SHISA6: variants seen among roughly 807,000 people sequenced by gnomAD.
The protein encoded by SHISA6 is shisa family member 6.
SHISA6 carries 22 observed loss-of-function variants against 47.9 expected under a neutral mutation model. The observed-to-expected ratio is 0.46, with a 90% confidence interval of 0.33 to 0.66. The LOEUF is 0.66. SHISA6 is among the 30% of genes least tolerant of loss of function. The probability of loss-of-function intolerance (pLI) is 0.02; values close to 1 mark genes in which losing one functional copy is unlikely to be tolerated. For synonymous variants in SHISA6, 388 were observed against 337.8 expected (o/e 1.15, Z -1.63); for missense variants, 680 against 764.6 (o/e 0.89, Z 1.30).
chr17:11,451,625 G>A lies in SHISA6; in HGVS notation c.895+72116G>A, dbSNP rs567111822. Among the ~76,000 whole-genome samples the A allele has an allele frequency of 7.9e-4, 120 of 152,310 alleles. 1 individual carries two copies. The highest frequency in any genetic ancestry group is 2.6e-3 in the African/African-American group (108 of 41,572). On this transcript the variant is annotated intron_variant, in intron 3 of 5. Coordinates refer to ENST00000441885, the MANE Select transcript of SHISA6 (RefSeq NM_207386.4). ...CAGGACCTCTCCTGTCCACAGAGGC[G>A]ACATTGGAGTTGCCACATGAACACG... is the stretch of plus-strand genomic sequence containing the variant.
intron 3 of SHISA6, among the ~76,000 whole-genome samples, chr17:11,413,809 A>C (rs1914204712): frequency 6.6e-6 from 1 of 152,106 alleles, no homozygotes; most frequent in African/African-American, 2.4e-5. Flanking sequence ...TGTTGGCCAA[A>C]GTAAGACACG....
intron 2 of SHISA6, among the ~76,000 whole-genome samples, chr17:11,297,230 A>G (rs1414858109): frequency 6.6e-6 from 1 of 152,112 alleles, no homozygotes; most frequent in Non-Finnish European, 1.5e-5. Flanking sequence ...AGATGGAGAG[A>G]GGGCATGCAG....
At chr17:11,261,457 C>T (rs557840433) in intron 1 of SHISA6, among the ~76,000 whole-genome samples, 3 of 152,346 alleles carry the variant, frequency 2.0e-5, no homozygotes, top group East Asian at 1.9e-4. Flanking sequence ...CATCGCATAG[C>T]GCAAGCTGCT....
At chr17:11,466,767 T>C (rs1326018067) in intron 3 of SHISA6, among the ~76,000 whole-genome samples, 3 of 152,224 alleles carry the variant, frequency 2.0e-5, no homozygotes, top group African/African-American at 7.2e-5. Context: ...TCAGACATCA[T>C]TGATCCTGGA....
chr17:11,332,243 G>A (rs1245189167), intron 2 of SHISA6, among the ~76,000 whole-genome samples: 2 of 149,596 alleles, frequency 1.3e-5, no homozygotes, highest in Non-Finnish European at 1.5e-5. Flanking sequence ...CAGCGTTGGG[G>A]AAAAAAAAAA....
At chr17:11,289,653 ACTTT>A (rs1909450718) in intron 2 of SHISA6, 2 of 151,450 alleles carry the variant, frequency 1.3e-5, no homozygotes, top group South Asian at 4.1e-4. Context: ...CAACTTTTAG[ACTTT>A]CTTCTCAGTT....
chr17:11,405,087 A>T (rs898380673), intron 3 of SHISA6, among the ~76,000 whole-genome samples: 1 of 152,224 alleles, frequency 6.6e-6, no homozygotes, highest in South Asian at 2.1e-4. Context: ...ACTTAAAAAA[A>T]ATATGCAAAA....
At chr17:11,311,653 A>G (rs1910345491) in intron 2 of SHISA6, among the ~76,000 whole-genome samples, 1 of 152,172 alleles carries the variant, frequency 6.6e-6, no homozygotes, top group African/African-American at 2.4e-5. Flanking sequence ...AAAATAGCAC[A>G]CCCATTTTAT....
At chr17:11,453,119 C>T (rs549466938) in intron 3 of SHISA6, among the ~76,000 whole-genome samples, 3 of 152,246 alleles carry the variant, frequency 2.0e-5, no homozygotes, top group East Asian at 3.9e-4. Context: ...TATAATGACT[C>T]ATTAATCAAT....
chr17:11,515,306 G>C (rs2071574642), intron 3 of SHISA6, among the ~76,000 whole-genome samples: 2 of 124,488 alleles, frequency 1.6e-5, no homozygotes, highest in Admixed American at 8.6e-5. Context: ...GAGGAAGGAA[G>C]AAAGAAAAAG....
intron 1 of SHISA6, among the ~76,000 whole-genome samples, chr17:11,247,368 T>G (rs1567698396): frequency 6.6e-6 from 1 of 152,182 alleles, no homozygotes; most frequent in Non-Finnish European, 1.5e-5. Context: ...CTAGTTCAAT[T>G]TCTATAGTCT....
chr17:11,404,161 C>T (rs1334059538), intron 3 of SHISA6, among the ~76,000 whole-genome samples: 1 of 152,216 alleles, frequency 6.6e-6, no homozygotes, highest in Non-Finnish European at 1.5e-5. Context: ...GCAGGCAATT[C>T]TGAAACTCCT....
At chr17:11,424,880 G>T (rs1914563900) in intron 3 of SHISA6, among the ~76,000 whole-genome samples, 1 of 151,720 alleles carries the variant, frequency 6.6e-6, no homozygotes, top group East Asian at 2.0e-4. Flanking sequence ...GTGGTGGCGG[G>T]TGCCTGTAGT....
intron 2 of SHISA6, among the ~76,000 whole-genome samples, chr17:11,296,584 T>A (rs1182359347): frequency 1.3e-5 from 2 of 152,104 alleles, no homozygotes; most frequent in Non-Finnish European, 2.9e-5. Context: ...TTTGGACATG[T>A]TACGTAGGAG....
chr17:11,542,800 G>C (rs1340062316), intron 3 of SHISA6, among the ~76,000 whole-genome samples: 1 of 152,132 alleles, frequency 6.6e-6, no homozygotes, highest in Non-Finnish European at 1.5e-5. Context: ...TCTCTGTGAA[G>C]ACCACCTTAT....
chr17:11,296,678 T>C (rs926050729), intron 2 of SHISA6, among the ~76,000 whole-genome samples: 2 of 151,864 alleles, frequency 1.3e-5, no homozygotes, highest in Admixed American at 1.3e-4. Context: ...TTGGAAGTGA[T>C]GGGGGGATGT....
At chr17:11,343,122 T>TA (rs1911593214) in intron 2 of SHISA6, among the ~76,000 whole-genome samples, 1 of 152,166 alleles carries the variant, frequency 6.6e-6, no homozygotes, top group Non-Finnish European at 1.5e-5. Flanking sequence ...CCCTATAAGT[T>TA]ATATGTGATT....
intron 3 of SHISA6, among the ~76,000 whole-genome samples, chr17:11,461,545 GAAGC>G (rs1915692352): frequency 6.6e-6 from 1 of 152,186 alleles, no homozygotes. Context: ...GCTACATGGG[GAAGC>G]ACCAGGATAG....
rs116241499 is a variant in SHISA6 at position 11,532,357 on chromosome 17, G to A, written c.896-19539G>A. Among the ~76,000 whole-genome samples, 912 of 152,328 alleles carry A rather than the reference G, an allele frequency of 6.0e-3. 7 individuals are homozygous for A. The highest frequency in any genetic ancestry group is 0.021 in the African/African-American group (862 of 41,570). ...GTGTTAACAGTGGGTATCAGAAAGA[G>A]CATGTGTGAGCTCTGAGACGTTGGT... On this transcript the variant is annotated intron_variant, in intron 3 of 5. Transcript: ENST00000441885.
Sources: allele counts gnomAD v4.1 joint callset (sites outside exome capture counted in the v4.1 genomes callset), GRCh38; gene constraint gnomAD v4.1.1; transcripts MANE v1.5; gene names NCBI Gene and HGNC (gene_info 2026-07-23, HGNC 2026-07-21).